The following SERTAD4 variants were observed in gnomAD, a reference collection of about 807,000 sequenced individuals.
SERTAD4 encodes the protein SERTA domain-containing protein 4.
In SERTAD4, 18 loss-of-function variants were observed where a neutral mutation model predicts 32.9. That is an observed-to-expected ratio of 0.55 (90% confidence interval 0.38 to 0.81). The LOEUF (loss-of-function observed/expected upper bound fraction) is 0.81. Ranked by LOEUF, SERTAD4 falls within the 30% of genes least tolerant of loss-of-function variation. The probability of loss-of-function intolerance (pLI) is 0.00; values close to 1 mark genes in which losing one functional copy is unlikely to be tolerated. For synonymous variants in SERTAD4, 150 were observed against 156.4 expected, an observed-to-expected ratio of 0.96 and a Z score of 0.30; for missense variants, 383 against 426.0, an observed-to-expected ratio of 0.90 and a Z score of 0.89.
At chr1:210,237,863 G>T in intron 1 of SERTAD4, 81 bp from the exon 2 acceptor site, 1 of 1,071,368 alleles carries the variant, frequency 9.3e-7, no homozygotes, top group South Asian at 1.5e-5. Flanking sequence ...GCAAAGAAAT[G>T]AAGATGCCAA....
At chr1:210,239,366 A>ATTTTGTG in intron 2 of SERTAD4, 127 bp from the exon 3 acceptor site, 1 of 624,300 alleles carries the variant, frequency 1.6e-6, no homozygotes, top group Non-Finnish European at 2.8e-6. Context: ...GTTTATTTTT[A>ATTTTGTG]ATCACCACAT....
At chr1:210,235,855 A>T (rs2083935764) in intron 1 of SERTAD4, among the ~76,000 whole-genome samples, 1 of 152,284 alleles carries the variant, frequency 6.6e-6, no homozygotes, top group African/African-American at 2.4e-5. Flanking sequence ...ATGAAATAAA[A>T]GTCTGCATAG....
In SERTAD4 at chr1:210,242,270, C is replaced by T; in HGVS notation, c.1004C>T (p.Ser335Phe). The T allele has an allele frequency of 6.2e-7, 1 of 1,609,024 alleles. No individual in the cohort carries two copies. The highest frequency in any genetic ancestry group is 1.3e-5 in the African/African-American group (1 of 74,496). ...RNNVNESWKKSLRKKEASPPS... is the reference protein window; with the variant it reads ...RNNVNESWKKFLRKKEASPPS... ...AATGTAAATGAATCTTGGAAAAAGT[C>T]CTTACGGAAAAAGGAGGCTTCACCA... The change falls in exon 4 of 4, where the codon TCC becomes TTC. Residue 335 changes from serine to phenylalanine, a missense_variant. Ser to Phe is a radical substitution (Grantham distance 155). Around this residue, in one of 3 missense-constraint regions of SERTAD4, gnomAD observed 180 missense variants for 190.6 expected, o/e 0.94. Transcript: ENST00000367012. This position sits in a 1 kb window ranked among gnomAD's most constrained non-coding sequence, Gnocchi z 4.0.
At chr1:210,246,431 A>C (rs995075186), downstream of SERTAD4, 31 of 300,480 alleles carry the variant, frequency 1.0e-4, no homozygotes, top group Admixed American at 6.5e-5. Context: ...GGGAGAACTC[A>C]CTTAGGAAAA....
In SERTAD4 at chr1:210,233,839, A is replaced by G. The variant is rs1275362024; in HGVS notation, c.-18+828A>G. Reference sequence around the variant, plus strand: ...GGGCTTCCAGCGGGTTTGGCCGGCAAGGGAGGGAGGGAAGGCCGGGCCGAC... The same window carrying G: ...GGGCTTCCAGCGGGTTTGGCCGGCAGGGGAGGGAGGGAAGGCCGGGCCGAC... On this transcript the variant is annotated intron_variant, in intron 1 of 3. Coordinates refer to ENST00000367012, the MANE Select transcript of SERTAD4 (RefSeq NM_019605.5). 5 of 468,324 alleles carry G rather than the reference A, an allele frequency of 1.1e-5. No individual in the cohort carries two copies. The Admixed American group carries it at 1.2e-4, about 11-fold the overall frequency. 29.0% of individuals were successfully genotyped at this position (468,324 alleles called of 1,614,324 possible). A position where few individuals can be genotyped will look rare whatever the true frequency, so the allele number is the denominator to read the frequency against.
chr1:210,242,276 G>A lies in SERTAD4; in HGVS notation c.1010G>A (p.Arg337Gln), dbSNP rs201206238. ...NVNESWKKSLRKKEASPPSNK... is the reference protein window; with the variant it reads ...NVNESWKKSLQKKEASPPSNK... ...AATGAATCTTGGAAAAAGTCCTTAC[G>A]GAAAAAGGAGGCTTCACCACCAAGT... Residue 337 changes from arginine (R) to glutamine (Q), a missense_variant, in exon 4 of 4, where the codon CGG (arginine) becomes CAG (glutamine). Transcript: ENST00000367012. The surrounding 1 kb of genome is among the most constrained non-coding windows in gnomAD (Gnocchi z 4.0). 24 of 1,607,202 alleles carry A rather than the reference G, an allele frequency of 1.5e-5. No individual in the cohort carries two copies. The highest frequency in any genetic ancestry group is 1.3e-4 in the African/African-American group (10 of 74,406).
chr1:210,240,570 G>A lies in SERTAD4; in HGVS notation c.291+962G>A, dbSNP rs576070138. 5.3e-5 allele frequency among the ~76,000 whole-genome samples: 8 copies of A among 152,230 alleles called. No individual in the cohort carries two copies. The South Asian group carries it at 1.7e-3, about 32-fold the overall frequency. Reference sequence around the variant, plus strand: ...TGCCAGTTTGCTTTTTTGATGGCCTGGAATAACTGGTCCCCAGGACACAAG... The same window carrying A: ...TGCCAGTTTGCTTTTTTGATGGCCTAGAATAACTGGTCCCCAGGACACAAG... On this transcript the variant is annotated intron_variant, in intron 3 of 3. Transcript: ENST00000367012.
intron 1 of SERTAD4, chr1:210,234,016 A>G (rs1004883386): frequency 8.4e-6 from 3 of 356,852 alleles, no homozygotes; most frequent in African/African-American, 6.9e-5. Flanking sequence ...AGGATAAGAC[A>G]TAAAGAATAA....
Position 210,246,227 on chromosome 1 carries a change from T to A in SERTAD4, c.*3890T>A, listed in dbSNP as rs553161268. The A allele has an allele frequency of 6.5e-6, 1 of 152,678 alleles. No individual in the cohort carries two copies. Among genetic ancestry groups the A allele is most frequent in the Non-Finnish European group, 1.5e-5 (1 of 68,420 alleles). The allele number at this position is 152,678 out of a possible 1,614,324, so 9.5% of individuals were successfully genotyped here. On this transcript the variant is annotated 3_prime_UTR_variant, in exon 4 of 4. Transcript: ENST00000367012. ...TTTTGATTTTGTGGTTTAAAATAAA[T>A]GCATTAAGGATCTTTTAAGTTACTA... is the stretch of plus-strand genomic sequence containing the variant.
rs2084040529 is a variant in SERTAD4, at chr1:210,245,533, G to A, written c.*3196G>A. 1 of 152,328 alleles carries A rather than the reference G, an allele frequency of 6.6e-6. No homozygotes were observed. Among genetic ancestry groups the A allele is most frequent in the Admixed American group, 6.5e-5 (1 of 15,282 alleles). The allele number at this position is 152,328 out of a possible 1,614,324, so 9.4% of individuals were successfully genotyped here. A position where few individuals can be genotyped will look rare whatever the true frequency, so the allele number is the denominator to read the frequency against. ...AGGATTGCAGGGACAGGGGACATGG[G>A]AGGAAGACAGAAAAATTCAAAACCA... On this transcript the variant is annotated 3_prime_UTR_variant, in exon 4 of 4. Transcript: ENST00000367012.
rs1361301738 is a variant in SERTAD4, at chr1:210,239,625, G to A, written c.291+17G>A. The A allele has an allele frequency of 7.2e-7, 1 of 1,390,532 alleles. No individual in the cohort carries two copies. Among genetic ancestry groups the A allele is most frequent in the East Asian group, 2.3e-5 (1 of 43,044 alleles). The allele number at this position is 1,390,532 out of a possible 1,614,324, so 86.1% of individuals were successfully genotyped here. On this transcript the variant is annotated intron_variant, in intron 3 of 3. Transcript: ENST00000367012. ...AGCCATAAAGTATGTTTTTTTAATA[G>A]TCATTATTTTTATTAAGAGTTTAAG...
chr1:210,238,322 T>C (rs2083964011), intron 2 of SERTAD4, among the ~76,000 whole-genome samples, 187 bp downstream of exon 2: 1 of 152,248 alleles, frequency 6.6e-6, no homozygotes, highest in Admixed American at 6.5e-5. Context: ...CCAGAGGTGA[T>C]ATTTAAATTG....
At chr1:210,234,558 G>T (rs1250039371) in intron 1 of SERTAD4, among the ~76,000 whole-genome samples, 1 of 152,202 alleles carries the variant, frequency 6.6e-6, no homozygotes, top group Non-Finnish European at 1.5e-5. Context: ...AGCCGGACAA[G>T]CTATTGAGAT....
At position 210,245,653 on chromosome 1, in the gene SERTAD4, A is replaced by T. The variant is rs1008591131; in HGVS notation, c.*3316A>T. 1 of 243,738 alleles carries T rather than the reference A, an allele frequency of 4.1e-6. No individual in the cohort carries two copies. The highest frequency in any genetic ancestry group is 6.6e-6 in the Non-Finnish European group (1 of 151,872). 15.1% of individuals were successfully genotyped at this position (243,738 alleles called of 1,614,324 possible). On this transcript the variant is annotated 3_prime_UTR_variant, in exon 4 of 4. Transcript: ENST00000367012. ...ACAACAGAAATTTAGAACATTTTACATGCTTCTTTGTTAAATGGTGAAGCA... is the reference window on the plus strand; with the variant it reads ...ACAACAGAAATTTAGAACATTTTACTTGCTTCTTTGTTAAATGGTGAAGCA...
intron 3 of SERTAD4, among the ~76,000 whole-genome samples, chr1:210,240,280 C>T (rs1260773607): frequency 1.6e-4 from 25 of 152,036 alleles, no homozygotes; most frequent in Admixed American, 1.6e-3. Flanking sequence ...AGTTACCTTC[C>T]TTCAATAACT....
chr1:210,240,468 T>C (rs2147848385), intron 3 of SERTAD4, among the ~76,000 whole-genome samples: 1 of 152,346 alleles, frequency 6.6e-6, no homozygotes, highest in Middle Eastern at 3.4e-3. Flanking sequence ...TGGTAGGTAC[T>C]GGGCTTTTCC....
At chr1:210,236,999 C>T (rs748098364) in intron 1 of SERTAD4, among the ~76,000 whole-genome samples, 9 of 152,216 alleles carry the variant, frequency 5.9e-5, no homozygotes, top group Admixed American at 6.5e-5. Context: ...CCCAGGAAGC[C>T]TCACAGAGCA....
chr1:210,246,511 C>G (rs656312), downstream of SERTAD4: 413,067 of 924,606 alleles, frequency 0.45, 95,523 homozygotes, highest in East Asian at 0.75. Context: ...CAGCAAGTGA[C>G]TTTAATAAAA....
chr1:210,244,530 TTAA>T lies in SERTAD4; in HGVS notation c.*2195_*2197del. On this transcript the variant is annotated 3_prime_UTR_variant, in exon 4 of 4. Coordinates refer to ENST00000367012, the MANE Select transcript of SERTAD4 (RefSeq NM_019605.5). ...TAGTAGCATTCCATACAATTCCATATTAATGTTCTTAGGAGCTAATATTTGATA... is the reference window on the plus strand; with the variant it reads ...TAGTAGCATTCCATACAATTCCATATTGTTCTTAGGAGCTAATATTTGATA... 1 of 152,192 alleles carries T rather than the reference TTAA, an allele frequency of 6.6e-6. No individual in the cohort carries two copies. The highest frequency in any genetic ancestry group is 6.5e-5 in the Admixed American group (1 of 15,274). 9.4% of individuals were successfully genotyped at this position (152,192 alleles called of 1,614,324 possible). A position where few individuals can be genotyped will look rare whatever the true frequency, so the allele number is the denominator to read the frequency against.
Sources: gnomAD v4.1 joint callset for allele counts (sites outside exome capture counted in the v4.1 genomes callset) on GRCh38, gnomAD v4.1.1 for gene constraint, gnomAD v4.1.1 regional missense constraint, Gnocchi (gnomAD v3.1) non-coding constraint, MANE v1.5 for transcripts, NCBI Gene and HGNC (gene_info 2026-07-23, HGNC 2026-07-21) for gene names.